FBXO32: variants seen among roughly 807,000 people sequenced by gnomAD.
The protein encoded by FBXO32 is F-box only protein 32.
A neutral mutation model predicts 48.3 loss-of-function variants in FBXO32; 15 were observed. The ratio of observed to expected loss-of-function variants is 0.31; its 90% CI spans 0.21 to 0.48. FBXO32 has a LOEUF of 0.48. FBXO32 is among the 20% of genes least tolerant of loss of function. The pLI is 0.99. For missense variants in FBXO32, 309 were observed against 432.7 expected (o/e 0.71, Z 2.54); for synonymous variants, 154 against 165.9 (o/e 0.93, Z 0.55).
chr8:123,541,083 G>GAGCATCCGCCCC lies in FBXO32; in HGVS notation c.-70_-69insGGGGCGGATGCT. 1 of 1,070,494 alleles carries GAGCATCCGCCCC rather than the reference G, an allele frequency of 9.3e-7. No individual in the cohort carries two copies. The highest frequency in any genetic ancestry group is 1.3e-6 in the Non-Finnish European group (1 of 777,722). The allele number at this position is 1,070,494 out of a possible 1,614,324, so 66.3% of individuals were successfully genotyped here. ...TGGTGGGCTCGGGGACGTGCCACCCGGGGCGGATGCTCGGGGTGCAGGGGC... is the reference window on the plus strand; with the variant it reads ...TGGTGGGCTCGGGGACGTGCCACCCGAGCATCCGCCCCGGGCGGATGCTCGGGGTGCAGGGGC... On this transcript the variant is annotated 5_prime_UTR_variant, in exon 1 of 9. It adds an upstream start codon to the 5' untranslated region. Transcript: ENST00000517956.
At chr8:123,509,592 C>A (rs1455923425) in intron 6 of FBXO32, among the ~76,000 whole-genome samples, 1 of 151,924 alleles carries the variant, frequency 6.6e-6, no homozygotes, top group East Asian at 1.9e-4. Flanking sequence ...CCCAGCTACT[C>A]GGGAGGCTGA....
intron 6 of FBXO32, among the ~76,000 whole-genome samples, chr8:123,510,721 G>A (rs1816718746): frequency 6.6e-6 from 1 of 152,178 alleles, no homozygotes; most frequent in Admixed American, 6.5e-5. Context: ...GGCAATGGGA[G>A]GAGACTCCCT....
intron 7 of FBXO32, among the ~76,000 whole-genome samples, chr8:123,505,452 C>T (rs1816595701): frequency 2.0e-5 from 2 of 99,230 alleles, no homozygotes; most frequent in Non-Finnish European, 3.9e-5. Context: ...AGTACTCTAC[C>T]ACACAGGGTG....
intron 4 of FBXO32, among the ~76,000 whole-genome samples, chr8:123,531,385 A>G (rs891972953): frequency 1.3e-5 from 2 of 152,184 alleles, no homozygotes; most frequent in African/African-American, 4.8e-5. Flanking sequence ...GCTTTAATTC[A>G]TCCAGTTTTG....
intron 4 of FBXO32, among the ~76,000 whole-genome samples, chr8:123,528,260 G>C (rs1817128672): frequency 1.3e-5 from 2 of 152,110 alleles, no homozygotes; most frequent in African/African-American, 4.8e-5. Context: ...CATGGGTGAT[G>C]GTCTCCGAAA....
chr8:123,516,706 C>T (rs556565989), intron 4 of FBXO32, among the ~76,000 whole-genome samples: 3 of 152,064 alleles, frequency 2.0e-5, no homozygotes, highest in Non-Finnish European at 4.4e-5. Flanking sequence ...TAAAAAAAGC[C>T]ACCCCCAAAC....
intron 1 of FBXO32, among the ~76,000 whole-genome samples, chr8:123,538,341 C>T (rs75701187): frequency 0.056 from 8,448 of 152,156 alleles, 300 homozygotes; most frequent in Middle Eastern, 0.15. Flanking sequence ...TTGTTTGGGC[C>T]GTTTGCAGAA....
intron 1 of FBXO32, among the ~76,000 whole-genome samples, chr8:123,536,382 G>C (rs1817310347): frequency 6.6e-6 from 1 of 152,156 alleles, no homozygotes; most frequent in Non-Finnish European, 1.5e-5. Flanking sequence ...GTGTGTTTCT[G>C]TCTATTTGCA....
rs993975101 is a variant in FBXO32, at chr8:123,540,341, T to C, written c.116+558A>G. Among the ~76,000 whole-genome samples the C allele has an allele frequency of 6.6e-6, 1 of 152,192 alleles. No individual in the cohort carries two copies. Among genetic ancestry groups the C allele is most frequent in the African/African-American group, 2.4e-5 (1 of 41,462 alleles). ...CAGTAAGCGGCTGCCCCAGGGACCA[T>C]CTGGCCGTCCCTTCCTGGTTACTCA... On this transcript the variant is annotated intron_variant, in intron 1 of 8. Transcript: ENST00000517956. This position sits in a 1 kb window ranked among gnomAD's most constrained non-coding sequence, Gnocchi z 6.4.
chr8:123,539,907 T>C (rs1817378021), intron 1 of FBXO32, among the ~76,000 whole-genome samples: 2 of 152,180 alleles, frequency 1.3e-5, no homozygotes, highest in Admixed American at 6.5e-5. Flanking sequence ...CTGGAATCAC[T>C]TTCATCGCCC....
At chr8:123,520,517 T>C (rs947831743) in intron 4 of FBXO32, among the ~76,000 whole-genome samples, 1 of 152,144 alleles carries the variant, frequency 6.6e-6, no homozygotes, top group Non-Finnish European at 1.5e-5. Context: ...CTTTGGCTCA[T>C]GCTAGTTCTG....
intron 4 of FBXO32, among the ~76,000 whole-genome samples, chr8:123,523,650 AAC>A (rs1252950790): frequency 2.0e-5 from 3 of 152,078 alleles, no homozygotes; most frequent in East Asian, 1.9e-4. Flanking sequence ...AAAGAAAGAA[AAC>A]ACTGCTGGGA....
chr8:123,504,805 T>C, intron 7 of FBXO32, 58 bp from the exon 8 acceptor site: 3 of 1,562,192 alleles, frequency 1.9e-6, no homozygotes, highest in East Asian at 2.3e-5. Context: ...AGATGGCTTG[T>C]GGTTTTCCGG....
chr8:123,512,532 T>TC (rs1447725594), intron 6 of FBXO32, among the ~76,000 whole-genome samples: 2 of 145,546 alleles, frequency 1.4e-5, no homozygotes, highest in East Asian at 3.9e-4. Context: ...TTCCTCCCTT[T>TC]TTTTTTTTTT....
At chr8:123,505,476 C>A (rs1359271709) in intron 7 of FBXO32, among the ~76,000 whole-genome samples, 1 of 152,232 alleles carries the variant, frequency 6.6e-6, no homozygotes, top group Non-Finnish European at 1.5e-5. Flanking sequence ...TGGCTCACGC[C>A]TGTAATCCCA....
At chr8:123,516,268 C>T (rs1816837299) in intron 4 of FBXO32, among the ~76,000 whole-genome samples, 1 of 152,136 alleles carries the variant, frequency 6.6e-6, no homozygotes, top group Admixed American at 6.5e-5. Flanking sequence ...CACCAGGCCC[C>T]CAGAGAAAAC....
At chr8:123,534,612 G>T in intron 2 of FBXO32, 90 bp downstream of exon 2, 2 of 748,164 alleles carry the variant, frequency 2.7e-6, no homozygotes, top group Non-Finnish European at 2.3e-6. Context: ...GCAGATGTGT[G>T]ACATGGGAGG....
chr8:123,508,234 ACT>A (rs1157557219), intron 6 of FBXO32, among the ~76,000 whole-genome samples: 1 of 152,126 alleles, frequency 6.6e-6, no homozygotes, highest in Non-Finnish European at 1.5e-5. Flanking sequence ...CAGGAGCCAA[ACT>A]CTGTACAAAG....
intron 4 of FBXO32, among the ~76,000 whole-genome samples, chr8:123,520,413 G>T (rs1297448633): frequency 3.9e-5 from 6 of 152,116 alleles, no homozygotes; most frequent in Non-Finnish European, 8.8e-5. Context: ...GGCATGATCT[G>T]CAGTGACGAG....
Sources: allele counts gnomAD v4.1 joint callset (sites outside exome capture counted in the v4.1 genomes callset), GRCh38; gene constraint gnomAD v4.1.1; non-coding constraint Gnocchi (gnomAD v3.1); transcripts MANE v1.5; gene names NCBI Gene and HGNC (gene_info 2026-07-23, HGNC 2026-07-21).